The following ANKFN1 variants were observed in gnomAD, a reference collection of about 807,000 sequenced individuals.
ANKFN1 encodes the protein ankyrin repeat and fibronectin type III domain containing 1.
A neutral mutation model predicts 108.7 loss-of-function variants in ANKFN1; 74 were observed. The observed-to-expected ratio is 0.68, with a 90% CI of 0.56 to 0.83. The LOEUF (loss-of-function observed/expected upper bound fraction) is 0.83. Among genes scored for constraint, ANKFN1 ranks in the 40% least tolerant of loss-of-function variants. The probability of loss-of-function intolerance (pLI) is 0.00; values close to 1 mark genes in which losing one functional copy is unlikely to be tolerated. For synonymous variants in ANKFN1, 547 were observed against 516.2 expected, an observed-to-expected ratio of 1.06 and a Z score of -0.81; for missense variants, 1,505 against 1,382.3, an observed-to-expected ratio of 1.09 and a Z score of -1.41.
intron 5 of ANKFN1, among the ~76,000 whole-genome samples, chr17:56,351,283 C>A (rs2046241018): frequency 6.6e-6 from 1 of 151,566 alleles, no homozygotes; most frequent in Non-Finnish European, 1.5e-5. Flanking sequence ...GTTAAATGGG[C>A]TTTCTGAGAG....
chr17:56,313,077 C>T (rs1007197881), intron 3 of ANKFN1, among the ~76,000 whole-genome samples: 6 of 149,422 alleles, frequency 4.0e-5, no homozygotes, highest in Middle Eastern at 6.8e-3. Context: ...TTGCTTGAAG[C>T]GGGGAGGCGA....
intron 19 of ANKFN1, among the ~76,000 whole-genome samples, chr17:56,494,454 A>G (rs1192691979): frequency 6.6e-6 from 1 of 152,224 alleles, no homozygotes; most frequent in East Asian, 1.9e-4. Context: ...TAAGAATAAC[A>G]ACAGATCAGA....
intron 15 of ANKFN1, among the ~76,000 whole-genome samples, chr17:56,468,996 C>A (rs982749446): frequency 6.6e-6 from 1 of 152,132 alleles, no homozygotes; most frequent in African/African-American, 2.4e-5. Flanking sequence ...TCTGGGCTAC[C>A]TTTGCTCCTA....
intron 4 of ANKFN1, among the ~76,000 whole-genome samples, chr17:56,329,753 C>G (rs1445619641): frequency 6.6e-6 from 1 of 152,228 alleles, no homozygotes; most frequent in East Asian, 1.9e-4. Flanking sequence ...CTCCGAAAGC[C>G]AAATGTTGAA....
At chr17:56,134,814 A>G (rs1440981648) in intron 4 of ANKFN1, among the ~76,000 whole-genome samples, 1 of 152,204 alleles carries the variant, frequency 6.6e-6, no homozygotes, top group East Asian at 1.9e-4. Context: ...TAGTGCAAAG[A>G]AATGTCAATT....
At chr17:56,157,459 A>G (rs114563942) in intron 1 of ANKFN1, among the ~76,000 whole-genome samples, 5 of 152,318 alleles carry the variant, frequency 3.3e-5, no homozygotes, top group Admixed American at 1.3e-4. Flanking sequence ...TCATTAGCAC[A>G]CTGGGAAACA....
intron 4 of ANKFN1, among the ~76,000 whole-genome samples, chr17:56,100,538 C>A (rs749068326): frequency 1.3e-5 from 2 of 152,102 alleles, no homozygotes; most frequent in African/African-American, 4.8e-5. Flanking sequence ...TATTTTATGA[C>A]GTATTAATTA....
intron 6 of ANKFN1, among the ~76,000 whole-genome samples, chr17:56,357,180 T>C (rs2046398243): frequency 1.3e-5 from 2 of 152,184 alleles, no homozygotes; most frequent in Admixed American, 1.3e-4. Context: ...CTTGGCTACC[T>C]AAGAAGGCAA....
At chr17:56,425,986 T>C (rs773760063) in intron 8 of ANKFN1, among the ~76,000 whole-genome samples, 2 of 152,244 alleles carry the variant, frequency 1.3e-5, no homozygotes, top group African/African-American at 4.8e-5. Flanking sequence ...CAGCACACTA[T>C]ATTTAAAGTT....
At chr17:56,460,776 A>G (rs571465713) in intron 14 of ANKFN1, among the ~76,000 whole-genome samples, 9 of 151,776 alleles carry the variant, frequency 5.9e-5, no homozygotes, top group South Asian at 4.2e-4. Context: ...AAGTCTTTCC[A>G]GTTAAATCTC....
At chr17:56,277,681 T>C (rs899370799) in intron 3 of ANKFN1, among the ~76,000 whole-genome samples, 3 of 152,218 alleles carry the variant, frequency 2.0e-5, no homozygotes, top group Non-Finnish European at 2.9e-5. Context: ...TTAGCCATAG[T>C]GTACGCTGCT....
At chr17:56,119,731 T>C (rs1323349127) in intron 4 of ANKFN1, among the ~76,000 whole-genome samples, 1 of 152,172 alleles carries the variant, frequency 6.6e-6, no homozygotes, top group Non-Finnish European at 1.5e-5. Flanking sequence ...TGAGCAAATG[T>C]TGAAAGTTTT....
intron 12 of ANKFN1, 42 bp downstream of exon 12, chr17:56,457,002 A>G: frequency 6.4e-7 from 1 of 1,558,608 alleles, no homozygotes; most frequent in Non-Finnish European, 8.8e-7. Context: ...TAACTTTTCA[A>G]GAATGCACTG....
intron 1 of ANKFN1, among the ~76,000 whole-genome samples, chr17:56,192,680 T>C (rs1478461637): frequency 1.7e-5 from 1 of 60,346 alleles, no homozygotes; most frequent in Non-Finnish European, 3.2e-5. Context: ...ATCAGAGAAA[T>C]GCAAATCAAA....
chr17:56,236,939 A>G (rs1262052344), intron 3 of ANKFN1, among the ~76,000 whole-genome samples: 5 of 152,036 alleles, frequency 3.3e-5, no homozygotes, highest in Non-Finnish European at 7.4e-5. Flanking sequence ...ATTTTGAGCT[A>G]TGTTCCTTCA....
chr17:56,069,312 G>A (rs192309278), intron 4 of ANKFN1, among the ~76,000 whole-genome samples: 5 of 152,278 alleles, frequency 3.3e-5, no homozygotes, highest in Admixed American at 1.3e-4. Flanking sequence ...TAAAGTGATG[G>A]GGATGGAGTG....
chr17:56,119,406 A>T (rs1324989962), intron 4 of ANKFN1, among the ~76,000 whole-genome samples: 1 of 152,144 alleles, frequency 6.6e-6, no homozygotes, highest in East Asian at 1.9e-4. Context: ...TTGGATTGAG[A>T]GGCCTGGCGG....
At chr17:56,410,147 G>A (rs1048518272) in intron 8 of ANKFN1, among the ~76,000 whole-genome samples, 6 of 152,078 alleles carry the variant, frequency 3.9e-5, no homozygotes, top group Non-Finnish European at 8.8e-5. Flanking sequence ...GTGCAGTGGC[G>A]CTATCTCGGC....
chr17:56,440,718 G>A (rs1325550830), intron 9 of ANKFN1, among the ~76,000 whole-genome samples: 1 of 152,130 alleles, frequency 6.6e-6, no homozygotes, highest in Non-Finnish European at 1.5e-5. Flanking sequence ...CTGGGGGAAA[G>A]CAGGGAGTGG....
Sources: gnomAD v4.1 joint callset for allele counts (sites outside exome capture counted in the v4.1 genomes callset) on GRCh38, gnomAD v4.1.1 for gene constraint, MANE v1.5 for transcripts, NCBI Gene and HGNC (gene_info 2026-07-23, HGNC 2026-07-21) for gene names.